Variants in SUN1 observed in about 807,000 individuals in gnomAD.
The protein encoded by SUN1 is Sad1 and UNC84 domain containing 1.
Under a neutral mutation model 103.2 loss-of-function variants are expected in SUN1, and 61 were observed. That is an observed-to-expected ratio of 0.59 (90% CI 0.48 to 0.73). SUN1 has a LOEUF of 0.73. Among genes scored for constraint, SUN1 ranks in the 30% least tolerant of loss-of-function variants. The pLI is 0.00. For missense variants in SUN1, 1,052 were observed against 1,034.6 expected (o/e 1.02, Z -0.23); for synonymous variants, 490 against 425.7 (o/e 1.15, Z -1.86).
chr7:858,849 T>C (rs904084410), intron 13 of SUN1, among the ~76,000 whole-genome samples: 2 of 152,086 alleles, frequency 1.3e-5, no homozygotes, highest in Non-Finnish European at 2.9e-5. Context: ...AGAGAAGCAG[T>C]GGTGACAGAG....
chr7:850,507 T>G (rs1820851926), intron 5 of SUN1: 1 of 157,970 alleles, frequency 6.3e-6, no homozygotes, highest in African/African-American at 2.4e-5. Context: ...AAAATAATTG[T>G]CTCACCTGCT....
At chr7:852,215 TAAGAA>T in intron 7 of SUN1, 172 bp downstream of exon 7, 1 of 665,488 alleles carries the variant, frequency 1.5e-6, no homozygotes, top group Non-Finnish European at 2.5e-6. Flanking sequence ...ACCTGTGAGA[TAAGAA>T]AAGCAGATAT....
At position 832,493 on chromosome 7, in the gene SUN1, C is replaced by G; in HGVS notation, c.-32C>G. 1 of 1,602,808 alleles carries G rather than the reference C, an allele frequency of 6.2e-7. No individual in the cohort carries two copies. Among genetic ancestry groups the G allele is most frequent in the South Asian group, 1.1e-5 (1 of 89,418 alleles). On this transcript the variant is annotated 5_prime_UTR_variant, in exon 1 of 19. Coordinates refer to ENST00000401592, the MANE Select transcript of SUN1 (RefSeq NM_001130965.3). Reference sequence around the variant, plus strand: ...GTTAAAACACTCTGCATTTCTTTCCCGCCCTCTGCAGTATGGTTTGAAGTG... The same window carrying G: ...GTTAAAACACTCTGCATTTCTTTCCGGCCCTCTGCAGTATGGTTTGAAGTG...
chr7:843,120 T>C, intron 3 of SUN1, 86 bp from the exon 4 acceptor site: 3 of 1,574,202 alleles, frequency 1.9e-6, no homozygotes, highest in Non-Finnish European at 2.6e-6. Context: ...CATTGTAACC[T>C]TTACATTTTT....
Position 852,604 on chromosome 7 carries a change from C to T in SUN1, c.852-5C>T, listed in dbSNP as rs533309254. On this transcript the variant is annotated splice_polypyrimidine_tract_variant and splice_region_variant and intron_variant, in intron 7 of 18. Coordinates refer to ENST00000401592, the MANE Select transcript of SUN1 (RefSeq NM_001130965.3). Reference sequence around the variant, plus strand: ...TAAGTCAAAGGTTTTCATTGTTACTCCCAGGTGCCTTCGAAACATCTGCAA... The same window carrying T: ...TAAGTCAAAGGTTTTCATTGTTACTTCCAGGTGCCTTCGAAACATCTGCAA... The T allele has an allele frequency of 9.9e-6, 16 of 1,614,052 alleles. No homozygotes were observed. The Admixed American group carries it at 2.2e-4, about 22-fold the overall frequency.
At position 858,051 on chromosome 7, in the gene SUN1, A is replaced by T. The variant is rs1355884841; in HGVS notation, c.1524+94A>T. The T allele has an allele frequency of 7.6e-6, 10 of 1,314,478 alleles. No individual in the cohort carries two copies. The East Asian group carries it at 8.4e-5, about 11-fold the overall frequency. The allele number at this position is 1,314,478 out of a possible 1,614,324, so 81.4% of individuals were successfully genotyped here. ...AGGTTTATTAGCTGTTTAATTTTTT[A>T]TTTATTTATTTATTTTTGAAACCGA... On this transcript the variant is annotated intron_variant, in intron 13 of 18. Coordinates refer to ENST00000401592, the MANE Select transcript of SUN1 (RefSeq NM_001130965.3).
Position 868,096 on chromosome 7 carries a change from A to G in SUN1, c.1981-1253A>G, listed in dbSNP as rs573786472. ...GAGGGGCAGTAAATCCACAGCTGGC[A>G]TAGAGGAGAAGCCGGCGGGTACGTG... On this transcript the variant is annotated intron_variant, in intron 16 of 18. Coordinates refer to ENST00000401592, the MANE Select transcript of SUN1 (RefSeq NM_001130965.3). Among the ~76,000 whole-genome samples, 3 of 152,340 alleles carry G rather than the reference A, an allele frequency of 2.0e-5. No individual in the cohort carries two copies. The South Asian group carries it at 6.2e-4, about 32-fold the overall frequency.
chr7:870,454 T>C (rs1269290659), intron 17 of SUN1, among the ~76,000 whole-genome samples: 1 of 151,680 alleles, frequency 6.6e-6, no homozygotes, highest in Non-Finnish European at 1.5e-5. Context: ...GCCAGGCTTA[T>C]GCGTGCCTGT....
chr7:869,112 T>G, intron 16 of SUN1: 1 of 529,538 alleles, frequency 1.9e-6, no homozygotes, highest in Non-Finnish European at 3.4e-6. Flanking sequence ...GTCTCACCCA[T>G]TTTTCTTTAA....
chr7:831,144 A>T (rs1258818033), upstream of SUN1: 2 of 484,384 alleles, frequency 4.1e-6, no homozygotes, highest in African/African-American at 4.2e-5. Context: ...AGTTAGTTTT[A>T]TTTGCAAAAG....
chr7:825,270 G>A (rs1790590678), intron 1 of SUN1, among the ~76,000 whole-genome samples: 1 of 152,160 alleles, frequency 6.6e-6, no homozygotes, highest in African/African-American at 2.4e-5. Context: ...CACTGTGTTA[G>A]TCAGGTTGGT....
chr7:850,943 T>C (rs1411617354), intron 5 of SUN1, among the ~76,000 whole-genome samples: 1 of 152,198 alleles, frequency 6.6e-6, no homozygotes, highest in Non-Finnish European at 1.5e-5. Context: ...TTTAGAATAA[T>C]GTTAGTTTTG....
At chr7:856,331 C>T (rs1314551774) in intron 11 of SUN1, 27 bp from the exon 12 acceptor site, 1 of 1,610,278 alleles carries the variant, frequency 6.2e-7, no homozygotes, top group African/African-American at 1.3e-5. Flanking sequence ...TTATGTGTTT[C>T]AGTAGACTAT....
intron 17 of SUN1, 62 bp from the exon 18 acceptor site, chr7:872,408 G>C: frequency 7.2e-7 from 1 of 1,381,512 alleles, no homozygotes; most frequent in Non-Finnish European, 1.0e-6. Context: ...GGAAGGGAAC[G>C]GTCCTCTCTG....
At chr7:836,285 G>A (rs977874009) in intron 1 of SUN1, among the ~76,000 whole-genome samples, 7 of 152,220 alleles carry the variant, frequency 4.6e-5, no homozygotes, top group African/African-American at 1.7e-4. Flanking sequence ...CGCAGGCTTG[G>A]CTCGGGATTA....
chr7:857,116 T>C lies in SUN1; in HGVS notation c.1395-712T>C, dbSNP rs1828228579. ...AACATGGCAGCTTTGTCTTTCTTAC[T>C]TCATTTTATGCACGCAGCTCGTATT... On this transcript the variant is annotated intron_variant, in intron 12 of 18. Transcript: ENST00000401592. Among the ~76,000 whole-genome samples the C allele has an allele frequency of 2.0e-5, 3 of 152,170 alleles. 1 individual carries two copies. In the South Asian group the frequency reaches 6.2e-4, roughly 32 times the overall value.
At chr7:855,878 G>A (rs572274750) in intron 11 of SUN1, among the ~76,000 whole-genome samples, 5 of 152,258 alleles carry the variant, frequency 3.3e-5, no homozygotes, top group African/African-American at 7.2e-5. Context: ...GTGTCCGCCC[G>A]AGAAGGTCTG....
chr7:830,088 G>A (rs890513936), upstream of SUN1, among the ~76,000 whole-genome samples: 12 of 152,210 alleles, frequency 7.9e-5, no homozygotes, highest in East Asian at 9.6e-4. Context: ...GATCCGTGTC[G>A]TGGTCTGTTA....
chr7:836,385 G>A (rs1212697808), intron 1 of SUN1, among the ~76,000 whole-genome samples: 1 of 152,210 alleles, frequency 6.6e-6, no homozygotes, highest in African/African-American at 2.4e-5. Context: ...TGATTATGCG[G>A]AATTGGCTCA....
Sources: gnomAD v4.1 joint callset for allele counts (sites outside exome capture counted in the v4.1 genomes callset) on GRCh38, gnomAD v4.1.1 for gene constraint, MANE v1.5 for transcripts, NCBI Gene and HGNC (gene_info 2026-07-23, HGNC 2026-07-21) for gene names.